The following JHY variants were observed in gnomAD, a reference collection of about 807,000 sequenced individuals.
JHY encodes jhy protein homolog.
In JHY, 69 loss-of-function variants were observed where a neutral mutation model predicts 78.0. That is an observed-to-expected ratio of 0.88 (90% confidence interval 0.73 to 1.08). The LOEUF (loss-of-function observed/expected upper bound fraction) is 1.08, where lower values mean the gene tolerates loss of function less well. JHY is among the 50% of genes least tolerant of loss of function. The pLI, the probability that JHY is intolerant of heterozygous loss-of-function variation, is 0.00. For synonymous variants in JHY, 368 were observed against 342.6 expected, an observed-to-expected ratio of 1.07 and a Z score of -0.82; for missense variants, 944 against 927.8, an observed-to-expected ratio of 1.02 and a Z score of -0.23.
intron 5 of JHY, among the ~76,000 whole-genome samples, chr11:122,946,045 G>A (rs1335227900): frequency 6.6e-6 from 1 of 152,168 alleles, no homozygotes; most frequent in Non-Finnish European, 1.5e-5. Context: ...TAAAACTCAA[G>A]CCTGTAGACC....
intron 2 of JHY, among the ~76,000 whole-genome samples, chr11:122,888,038 T>A (rs1333409808): frequency 3.0e-5 from 2 of 65,598 alleles, no homozygotes; most frequent in Non-Finnish European, 6.0e-5. Flanking sequence ...TCTTCTTCCT[T>A]CCTTTCGTCT....
rs545211328 is a variant in JHY, at chr11:122,888,044, C to T, written c.344+1851C>T. On this transcript the variant is annotated intron_variant, in intron 2 of 8. Coordinates refer to ENST00000227349, the MANE Select transcript of JHY (RefSeq NM_024806.4). ...TCTTATCTTTCTTCTTCCTTCCTTTCGTCTTCCCCCCCTTTTTTTCACTGG... is the reference window on the plus strand; with the variant it reads ...TCTTATCTTTCTTCTTCCTTCCTTTTGTCTTCCCCCCCTTTTTTTCACTGG... Among the ~76,000 whole-genome samples the T allele has an allele frequency of 3.9e-4, 9 of 23,276 alleles. No homozygotes were observed. The South Asian group carries it at 0.012, about 30-fold the overall frequency. The allele number at this position is 23,276 out of a possible 152,430, so 15.3% of individuals were successfully genotyped here.
chr11:122,928,796 C>G (rs1863570276), intron 4 of JHY, among the ~76,000 whole-genome samples: 1 of 151,932 alleles, frequency 6.6e-6, no homozygotes, highest in Non-Finnish European at 1.5e-5. Context: ...CTATAGGCAC[C>G]CGCCACCACG....
rs1388854559 is a variant in JHY at position 122,940,507 on chromosome 11, T to C, written c.1634+5432T>C. Among the ~76,000 whole-genome samples the C allele has an allele frequency of 6.6e-5, 10 of 152,340 alleles. No homozygotes were observed. The East Asian group carries it at 1.7e-3, about 26-fold the overall frequency. On this transcript the variant is annotated intron_variant, in intron 5 of 8. Transcript: ENST00000227349. ...ATTTGGTGTACTTTTTATTACATTA[T>C]ACCAGGGGATACATACTATCAGGCT...
At chr11:122,953,033 T>G (rs1864122436) in intron 6 of JHY, among the ~76,000 whole-genome samples, 1 of 152,210 alleles carries the variant, frequency 6.6e-6, no homozygotes, top group Admixed American at 6.5e-5. Flanking sequence ...AGAGCAATCT[T>G]GTGGCTCCAT....
At chr11:122,957,582 A>G in intron 8 of JHY, 91 bp downstream of exon 8, 2 of 1,310,140 alleles carry the variant, frequency 1.5e-6, no homozygotes. Flanking sequence ...TTAATTAGCC[A>G]CAGAGTCTTG....
chr11:122,934,541 G>C lies in JHY; in HGVS notation c.1100G>C (p.Arg367Pro). The C allele has an allele frequency of 6.2e-7, 1 of 1,614,000 alleles. No homozygotes were observed. The highest frequency in any genetic ancestry group is 1.3e-5 in the African/African-American group (1 of 74,980). The change falls in exon 5 of 9, where the codon CGA becomes CCA. Residue 367 changes from arginine to proline, a missense_variant. Physicochemically the swap from Arg to Pro is moderately radical, Grantham distance 103 (BLOSUM62 -2). Transcript: ENST00000227349. Reference sequence around the variant, plus strand: ...AGAAGACCAGCCAAGCTCAAGATTCGAAAGCAGTGTAAACACCAGAATGGC... The same window carrying C: ...AGAAGACCAGCCAAGCTCAAGATTCCAAAGCAGTGTAAACACCAGAATGGC... Reference protein sequence around the residue: ...PSRRPAKLKIRKQCKHQNGLK... With the variant: ...PSRRPAKLKIPKQCKHQNGLK...
At position 122,934,718 on chromosome 11, in the gene JHY, C is replaced by T. The variant is rs543957764; in HGVS notation, c.1277C>T (p.Ala426Val). The T allele has an allele frequency of 6.2e-7, 1 of 1,614,132 alleles. No homozygotes were observed. The highest frequency in any genetic ancestry group is 1.3e-5 in the African/African-American group (1 of 75,036). ...CATGCCTCTAACAATGATGTACAAG[C>T]CTCAAGGGCACTTAGAAGCCACAAT... is the stretch of plus-strand genomic sequence containing the variant. ...IMHASNNDVQ[A>V]SRALRSHNLK... The change falls in exon 5 of 9, where the codon GCC (alanine) becomes GTC (valine). Residue 426 changes from alanine to valine, a missense_variant. Ala to Val is a moderately conservative substitution (Grantham distance 64, BLOSUM62 0). Transcript: ENST00000227349.
chr11:122,911,830 G>A (rs561201413), intron 3 of JHY, among the ~76,000 whole-genome samples: 4 of 141,442 alleles, frequency 2.8e-5, no homozygotes, highest in Admixed American at 7.7e-5. Flanking sequence ...GCTTGAACCC[G>A]GGAGGTGGAG....
rs1389536419 is a variant in JHY at position 122,934,434 on chromosome 11, C to G, written c.993C>G (p.His331Gln). 1.2e-6 allele frequency: 2 copies of G among 1,604,460 alleles called. No individual in the cohort carries two copies. Among genetic ancestry groups the G allele is most frequent in the South Asian group, 1.1e-5 (1 of 89,662 alleles). ...TATCTCTTTAGAATTACCAGGAACA[C>G]TGGTCTCAATATGAAAGTACAAAAT... ...RAQQLKNYQE[H>Q]WSQYESTKSS... is the part of the protein sequence containing the mutation. Residue 331 changes from histidine (H) to glutamine (Q), a missense_variant, in exon 5 of 9, where the codon CAC (histidine) becomes CAG (glutamine). Physicochemically the swap from His to Gln is conservative, Grantham distance 24. Coordinates refer to ENST00000227349, the MANE Select transcript of JHY (RefSeq NM_024806.4).
At chr11:122,886,235 T>C in intron 2 of JHY, 42 bp downstream of exon 2, 1 of 1,523,746 alleles carries the variant, frequency 6.6e-7, no homozygotes, top group Non-Finnish European at 8.9e-7. Flanking sequence ...GGCTCTAAAA[T>C]GTATCATTAG....
Position 122,954,440 on chromosome 11 carries a change from T to G in JHY, c.1930-2056T>G, listed in dbSNP as rs558152679. On this transcript the variant is annotated intron_variant, in intron 6 of 8. Coordinates refer to ENST00000227349, the MANE Select transcript of JHY (RefSeq NM_024806.4). ...TGGGTACTCAGTAGACCACAGTGAG[T>G]AGGACATGTTCTTGTAGTGGTTGAT... is the stretch of plus-strand genomic sequence containing the variant. Among the ~76,000 whole-genome samples the G allele has an allele frequency of 3.3e-5, 5 of 152,334 alleles. No individual in the cohort carries two copies. The East Asian group carries it at 9.6e-4, about 29-fold the overall frequency.
intron 5 of JHY, among the ~76,000 whole-genome samples, chr11:122,943,982 G>T (rs963734702): frequency 2.0e-5 from 3 of 152,158 alleles, no homozygotes; most frequent in Non-Finnish European, 4.4e-5. Context: ...GAGAAGGGAG[G>T]ATTGCTTGAG....
chr11:122,959,479 C>T lies in JHY; in HGVS notation c.*34C>T. 1.3e-6 allele frequency: 2 copies of T among 1,595,898 alleles called. No individual in the cohort carries two copies. The highest frequency in any genetic ancestry group is 3.4e-5 in the Admixed American group (2 of 59,484). ...TGATAGGAAGGAGACCAAAAATGGT[C>T]CAGGAATGAACGTGGAGAAAAGAAA... On this transcript the variant is annotated 3_prime_UTR_variant, in exon 9 of 9. Coordinates refer to ENST00000227349, the MANE Select transcript of JHY (RefSeq NM_024806.4).
intron 4 of JHY, among the ~76,000 whole-genome samples, chr11:122,929,794 T>C (rs960549730): frequency 5.3e-5 from 8 of 152,222 alleles, no homozygotes; most frequent in Admixed American, 5.2e-4. Context: ...TGTGACCAAA[T>C]GTTTAAAATT....
chr11:122,890,680 A>T (rs996232819), intron 2 of JHY, among the ~76,000 whole-genome samples: 4 of 152,192 alleles, frequency 2.6e-5, no homozygotes, highest in Admixed American at 6.5e-5. Context: ...ATACAATCTA[A>T]TATGTTTCAA....
chr11:122,920,606 T>C (rs893395225), intron 3 of JHY, among the ~76,000 whole-genome samples: 1 of 152,210 alleles, frequency 6.6e-6, no homozygotes, highest in Non-Finnish European at 1.5e-5. Flanking sequence ...ATGAGTTTCT[T>C]TGAGCAAGAA....
intron 8 of JHY, among the ~76,000 whole-genome samples, chr11:122,958,433 A>G (rs1347722948): frequency 2.6e-5 from 4 of 151,602 alleles, no homozygotes; most frequent in African/African-American, 9.7e-5. Flanking sequence ...TTTTTCTCCA[A>G]TCCATTTTTT....
chr11:122,953,083 A>C (rs141924203), intron 6 of JHY, among the ~76,000 whole-genome samples: 1 of 152,202 alleles, frequency 6.6e-6, no homozygotes, highest in Non-Finnish European at 1.5e-5. Context: ...AAACATATTC[A>C]TTTTATTTCA....
Sources: allele counts gnomAD v4.1 joint callset (sites outside exome capture counted in the v4.1 genomes callset), GRCh38; gene constraint gnomAD v4.1.1; transcripts MANE v1.5; gene names NCBI Gene and HGNC (gene_info 2026-07-23, HGNC 2026-07-21).